The following TMEM131L variants were observed in gnomAD, a reference collection of about 807,000 sequenced individuals.
The protein encoded by TMEM131L is transmembrane 131 like, also known as transmembrane protein 131-like.
In TMEM131L, 54 loss-of-function variants were observed where a neutral mutation model predicts 192.2. The ratio of observed to expected loss-of-function variants is 0.28; its 90% CI spans 0.23 to 0.35. The LOEUF is 0.35. TMEM131L is among the 10% of genes least tolerant of loss of function. The pLI is 1.00. For missense variants in TMEM131L, 1,888 were observed against 1,972.9 expected, an observed-to-expected ratio of 0.96 and a Z score of 0.82; for synonymous variants, 701 against 704.9, an observed-to-expected ratio of 0.99 and a Z score of 0.09.
At chr4:153,535,391 T>G (rs964661598) in intron 3 of TMEM131L, among the ~76,000 whole-genome samples, 2 of 151,996 alleles carry the variant, frequency 1.3e-5, no homozygotes, top group Admixed American at 1.3e-4. Context: ...GATGTAAATT[T>G]GGGGTGGTGT....
chr4:153,493,030 A>G (rs1272105860), intron 3 of TMEM131L, among the ~76,000 whole-genome samples: 2 of 152,136 alleles, frequency 1.3e-5, no homozygotes, highest in Non-Finnish European at 2.9e-5. Context: ...ACCTCAAGGT[A>G]GGGTAGTAGC....
At chr4:153,629,215 G>C (rs1734050786) in intron 31 of TMEM131L, among the ~76,000 whole-genome samples, 2 of 152,136 alleles carry the variant, frequency 1.3e-5, no homozygotes, top group Admixed American at 6.5e-5. Context: ...TGTCACCACA[G>C]TTCCAAAGCC....
intron 31 of TMEM131L, among the ~76,000 whole-genome samples, chr4:153,628,144 T>G (rs193260963): frequency 1.8e-4 from 28 of 152,318 alleles, no homozygotes; most frequent in Admixed American, 1.4e-3. Flanking sequence ...CAACTCACTT[T>G]GTGTTAGAAG....
At chr4:153,584,966 G>T in intron 12 of TMEM131L, 35 bp downstream of exon 12, 1 of 1,457,726 alleles carries the variant, frequency 6.9e-7, no homozygotes, top group Non-Finnish European at 9.6e-7. Flanking sequence ...AATCTTGTAT[G>T]GTTGTTGTTG....
chr4:153,631,828 C>T (rs918913537), intron 31 of TMEM131L, among the ~76,000 whole-genome samples: 4 of 152,190 alleles, frequency 2.6e-5, no homozygotes, highest in African/African-American at 9.7e-5. Flanking sequence ...TTCCACTTTC[C>T]CCTCTCCTTC....
intron 25 of TMEM131L, among the ~76,000 whole-genome samples, chr4:153,611,942 A>G (rs1284737480): frequency 1.3e-5 from 2 of 152,100 alleles, no homozygotes; most frequent in Non-Finnish European, 2.9e-5. Flanking sequence ...TTGTTTATCC[A>G]TTTATCCGTC....
At chr4:153,553,466 A>AC (rs1007047074) in intron 4 of TMEM131L, among the ~76,000 whole-genome samples, 2 of 152,054 alleles carry the variant, frequency 1.3e-5, no homozygotes, top group African/African-American at 4.8e-5. Context: ...TTAAAAAAAA[A>AC]AAAAACCTCA....
At chr4:153,575,718 A>G (rs947858158) in intron 7 of TMEM131L, among the ~76,000 whole-genome samples, 9 of 152,102 alleles carry the variant, frequency 5.9e-5, no homozygotes, top group African/African-American at 2.2e-4. Flanking sequence ...TCTTTTTTCT[A>G]TAAAATATCT....
At chr4:153,607,760 A>G (rs1054148704) in intron 25 of TMEM131L, among the ~76,000 whole-genome samples, 1 of 152,116 alleles carries the variant, frequency 6.6e-6, no homozygotes, top group East Asian at 1.9e-4. Context: ...TGAGAAGAAA[A>G]TGTTCTAGGG....
chr4:153,486,457 A>C (rs1488036941), intron 3 of TMEM131L, among the ~76,000 whole-genome samples: 1 of 152,226 alleles, frequency 6.6e-6, no homozygotes, highest in Non-Finnish European at 1.5e-5. Context: ...CAACCAGCTC[A>C]AACAATAAAG....
chr4:153,506,918 A>C (rs1207456856), intron 3 of TMEM131L, among the ~76,000 whole-genome samples: 1 of 152,116 alleles, frequency 6.6e-6, no homozygotes, highest in African/African-American at 2.4e-5. Context: ...ACTAACACAG[A>C]AGAGGAGACC....
In TMEM131L at chr4:153,596,355, A is replaced by G. The variant is rs1405814245; in HGVS notation, c.2093A>G (p.Tyr698Cys). 1.9e-6 allele frequency: 3 copies of G among 1,613,794 alleles called. No homozygotes were observed. Among genetic ancestry groups the G allele is most frequent in the African/African-American group, 1.3e-5 (1 of 74,928 alleles). ...RVGVVFTPAD[Y>C]GKVTSLILIR... The stretch of plus-strand genomic sequence containing the variant: ...GGCGTAGTTTTCACACCTGCTGACT[A>G]TGGAAAAGTTACCTCACTCATACTA... The change falls in exon 20 of 35, where the codon TAT (tyrosine) becomes TGT (cysteine). Residue 698 changes from tyrosine (Y) to cysteine (C), a missense_variant. By Grantham distance (194) the Tyr-to-Cys change is radical (BLOSUM62 -2). Coordinates refer to ENST00000409959, the MANE Select transcript of TMEM131L (RefSeq NM_001131007.2).
chr4:153,593,059 T>C (rs151065773), intron 18 of TMEM131L, among the ~76,000 whole-genome samples: 1 of 152,286 alleles, frequency 6.6e-6, no homozygotes, highest in African/African-American at 2.4e-5. Context: ...TATTTGAGGG[T>C]TCTCCACCTG....
chr4:153,570,823 T>C (rs1039806539), intron 7 of TMEM131L, among the ~76,000 whole-genome samples: 4 of 152,186 alleles, frequency 2.6e-5, no homozygotes, highest in African/African-American at 7.2e-5. Flanking sequence ...TTATTTCAAC[T>C]GGAGTGGTGT....
At chr4:153,595,811 A>G (rs1731395455) in intron 19 of TMEM131L, among the ~76,000 whole-genome samples, 1 of 152,156 alleles carries the variant, frequency 6.6e-6, no homozygotes, top group African/African-American at 2.4e-5. Flanking sequence ...TATAATAAAG[A>G]TGATTTCTAT....
intron 31 of TMEM131L, 70 bp downstream of exon 31, chr4:153,627,757 G>T (rs17030263): frequency 0.035 from 46,792 of 1,340,184 alleles, 4,311 homozygotes; most frequent in African/African-American, 0.33. Context: ...TGGCTGATGA[G>T]TTTGAGAAGA....
At chr4:153,533,371 G>A (rs1180069229) in intron 3 of TMEM131L, among the ~76,000 whole-genome samples, 1 of 152,208 alleles carries the variant, frequency 6.6e-6, no homozygotes, top group Non-Finnish European at 1.5e-5. Flanking sequence ...GCGCACATCT[G>A]CAGCAGCAGT....
intron 16 of TMEM131L, among the ~76,000 whole-genome samples, chr4:153,590,709 C>T (rs1032047349): frequency 1.3e-5 from 2 of 151,980 alleles, no homozygotes; most frequent in African/African-American, 4.8e-5. Context: ...TTTTAAGCAT[C>T]ACTCTGATTC....
chr4:153,506,656 A>T (rs921671690), intron 3 of TMEM131L, among the ~76,000 whole-genome samples: 2 of 152,234 alleles, frequency 1.3e-5, no homozygotes, highest in African/African-American at 4.8e-5. Flanking sequence ...AGTCTGGCCA[A>T]CATGGTGAAA....
Sources: allele counts gnomAD v4.1 joint callset (sites outside exome capture counted in the v4.1 genomes callset), GRCh38; gene constraint gnomAD v4.1.1; transcripts MANE v1.5; gene names NCBI Gene and HGNC (gene_info 2026-07-23, HGNC 2026-07-21).